The following CELF2 variants were observed in gnomAD, a reference collection of about 807,000 sequenced individuals.
The protein encoded by CELF2 is CUG triplet repeat RNA-binding protein 2.
Under a neutral mutation model 62.6 loss-of-function variants are expected in CELF2, and 8 were observed. That is an observed-to-expected ratio of 0.13 (90% CI 0.07 to 0.23). The LOEUF is 0.23. Among genes scored for constraint, CELF2 ranks in the 10% least tolerant of loss-of-function variants. The probability of loss-of-function intolerance (pLI) is 1.00; values close to 1 mark genes in which losing one functional copy is unlikely to be tolerated. For synonymous variants in CELF2, 258 were observed against 250.0 expected, an observed-to-expected ratio of 1.03 and a Z score of -0.30; for missense variants, 333 against 671.0, an observed-to-expected ratio of 0.50 and a Z score of 5.56.
rs535617780 is a variant in CELF2, at chr10:11,237,165, G to T, written c.355-11988G>T. Among the ~76,000 whole-genome samples the T allele has an allele frequency of 3.3e-5, 5 of 152,286 alleles. No homozygotes were observed. Among genetic ancestry groups the T allele is most frequent in the East Asian group, 1.9e-4 (1 of 5,190 alleles). ...TGAAAACCTCACTAGGGCTGTAGCC[G>T]TGGAAATAGAAAAGTCTATGAGAAG... On this transcript the variant is annotated intron_variant, in intron 3 of 12. Coordinates refer to ENST00000633077, the MANE Select transcript of CELF2 (RefSeq NM_001326342.2). This position sits in a 1 kb window ranked among gnomAD's most constrained non-coding sequence, Gnocchi z 4.0.
At chr10:10,690,024 A>T in the CELF2 span, among the ~76,000 whole-genome samples, 5 of 152,212 alleles carry the variant, frequency 3.3e-5, no homozygotes, top group African/African-American at 1.2e-4. Context: ...ACTGATGACC[A>T]TCTCTGTGGA....
the CELF2 span, among the ~76,000 whole-genome samples, chr10:10,560,927 A>T: frequency 6.6e-6 from 1 of 152,130 alleles, no homozygotes; most frequent in East Asian, 1.9e-4. Flanking sequence ...TGGAAAACTA[A>T]ACATCGTATG....
At chr10:11,038,147 C>A (rs934515459) in intron 1 of CELF2, among the ~76,000 whole-genome samples, 4 of 152,178 alleles carry the variant, frequency 2.6e-5, no homozygotes, top group Non-Finnish European at 5.9e-5. Flanking sequence ...TCCCACTGTT[C>A]CCTGGAGATG....
At chr10:10,975,700 A>G (rs117499161) in intron 2 of CELF2, among the ~76,000 whole-genome samples, 1,710 of 152,340 alleles carry the variant, frequency 0.011, 8 homozygotes, top group Non-Finnish European at 0.017. Flanking sequence ...ACATTCACAT[A>G]TATGGTGGAA....
chr10:10,497,775 G>A, the CELF2 span, among the ~76,000 whole-genome samples: 3 of 152,320 alleles, frequency 2.0e-5, no homozygotes, highest in East Asian at 5.8e-4. Flanking sequence ...GGACAAGAGG[G>A]CACCGATACT....
Position 11,008,109 on chromosome 10 carries a change from C to T in CELF2, c.53+2669C>T, listed in dbSNP as rs1324841440. Among the ~76,000 whole-genome samples, 1 of 152,190 alleles carries T rather than the reference C, an allele frequency of 6.6e-6. No individual in the cohort carries two copies. Among genetic ancestry groups the T allele is most frequent in the African/African-American group, 2.4e-5 (1 of 41,434 alleles). On this transcript the variant is annotated intron_variant, in intron 1 of 12. Coordinates refer to the CELF2 transcript ENST00000416382. The surrounding 1 kb of genome is among the most constrained non-coding windows in gnomAD (Gnocchi z 4.5). ...AACTTGTCTACATCTATTTCCACAA[C>T]AGGAACAGGATACGTAATCTGTATC...
Position 11,217,301 on chromosome 10 carries a change from C to T in CELF2, c.272-124C>T. 3.3e-6 allele frequency: 2 copies of T among 604,062 alleles called. No homozygotes were observed. Among genetic ancestry groups the T allele is most frequent in the Non-Finnish European group, 5.9e-6 (2 of 340,306 alleles). The allele number at this position is 604,062 out of a possible 1,614,324, so 37.4% of individuals were successfully genotyped here. ...CTTGAGATGTTGTTATTGCTGTTCT[C>T]ATATGCTTTATTATTTTTAAATTGT... On this transcript the variant is annotated intron_variant, in intron 2 of 12. Transcript: ENST00000633077. The surrounding 1 kb of genome is among the most constrained non-coding windows in gnomAD (Gnocchi z 5.6).
the CELF2 span, among the ~76,000 whole-genome samples, chr10:10,607,583 T>G: frequency 4.6e-4 from 70 of 152,318 alleles, 1 homozygote; most frequent in African/African-American, 1.6e-3. Context: ...ATTAGTTACT[T>G]TTTCTCTGTG....
the CELF2 span, among the ~76,000 whole-genome samples, chr10:10,748,086 T>TG: frequency 6.6e-6 from 1 of 151,492 alleles, no homozygotes; most frequent in African/African-American, 2.4e-5. Flanking sequence ...CTGTATAGGG[T>TG]GGGGGGAATA....
At chr10:10,838,466 C>T (rs1349917021) in intron 1 of CELF2, among the ~76,000 whole-genome samples, 1 of 152,178 alleles carries the variant, frequency 6.6e-6, no homozygotes, top group African/African-American at 2.4e-5. Context: ...TTATGCTTCA[C>T]CTACTTCAGG....
chr10:10,534,227 AAAG>A, the CELF2 span, among the ~76,000 whole-genome samples: 1 of 147,140 alleles, frequency 6.8e-6, no homozygotes, highest in African/African-American at 2.6e-5. Context: ...AAAAAAAAAA[AAAG>A]AAAAAGAAAA....
chr10:11,201,856 C>T lies in CELF2; in HGVS notation c.272-15569C>T, dbSNP rs564147871. ...CATCTTCAGGAACATTTGGGAAATG[C>T]TATTGTAAGAGGTGATTAGATTGTA... On this transcript the variant is annotated intron_variant, in intron 2 of 12. Transcript: ENST00000633077. Among the ~76,000 whole-genome samples, 5 of 152,184 alleles carry T rather than the reference C, an allele frequency of 3.3e-5. No homozygotes were observed. In the South Asian group the frequency reaches 1.0e-3, roughly 32 times the overall value.
At chr10:11,028,656 T>C (rs545431505) in intron 1 of CELF2, among the ~76,000 whole-genome samples, 100 of 149,296 alleles carry the variant, frequency 6.7e-4, no homozygotes, top group African/African-American at 2.3e-3. Context: ...CCTGACCTCA[T>C]GATCCACCTG....
the CELF2 span, among the ~76,000 whole-genome samples, chr10:10,688,367 G>T: frequency 2.6e-5 from 4 of 152,196 alleles, no homozygotes; most frequent in Non-Finnish European, 5.9e-5. Flanking sequence ...AGATGCCACT[G>T]CCTTGACCAC....
chr10:11,226,600 C>CCACACACACACA (rs59521803), intron 3 of CELF2, among the ~76,000 whole-genome samples: 3 of 25,896 alleles, frequency 1.2e-4, no homozygotes, highest in Non-Finnish European at 1.8e-4. Flanking sequence ...CAGGCAGTGG[C>CCACACACACACA]CACACACACA....
At chr10:10,757,507 A>G in the CELF2 span, among the ~76,000 whole-genome samples, 2 of 152,256 alleles carry the variant, frequency 1.3e-5, no homozygotes, top group African/African-American at 4.8e-5. Flanking sequence ...CTTGGAATTC[A>G]ACAATGACAA....
chr10:10,513,603 A>G, the CELF2 span, among the ~76,000 whole-genome samples: 4 of 152,138 alleles, frequency 2.6e-5, no homozygotes, highest in East Asian at 5.8e-4. Flanking sequence ...TTTTTTTAGC[A>G]GGGTTGCCCA....
intron 1 of CELF2, among the ~76,000 whole-genome samples, chr10:10,887,777 T>A (rs1423339713): frequency 6.6e-6 from 1 of 150,774 alleles, no homozygotes; most frequent in Non-Finnish European, 1.5e-5. Flanking sequence ...GACTTTTATT[T>A]TTTTTTTTTT....
chr10:11,020,368 A>G (rs1254042662), intron 1 of CELF2, among the ~76,000 whole-genome samples: 1 of 152,254 alleles, frequency 6.6e-6, no homozygotes. Flanking sequence ...ACACTAGAGC[A>G]TGCTTTTATA....
Sources: gnomAD v4.1 joint callset for allele counts (sites outside exome capture counted in the v4.1 genomes callset) on GRCh38, gnomAD v4.1.1 for gene constraint, Gnocchi (gnomAD v3.1) non-coding constraint, MANE v1.5 for transcripts, NCBI Gene and HGNC (gene_info 2026-07-23, HGNC 2026-07-21) for gene names.